DAB1: variants seen among roughly 807,000 people sequenced by gnomAD.
The protein encoded by DAB1 is disabled homolog 1.
In DAB1, 15 loss-of-function variants were observed where a neutral mutation model predicts 64.6. The ratio of observed to expected loss-of-function variants is 0.23; its 90% CI spans 0.16 to 0.36. The LOEUF (loss-of-function observed/expected upper bound fraction) is 0.36, where lower values mean the gene tolerates loss of function less well. Among genes scored for constraint, DAB1 ranks in the 10% least tolerant of loss-of-function variants. The pLI, the probability that DAB1 is intolerant of heterozygous loss-of-function variation, is 1.00. For synonymous variants in DAB1, 235 were observed against 251.9 expected (o/e 0.93, Z 0.64); for missense variants, 596 against 706.7 (o/e 0.84, Z 1.78).
downstream of DAB1, among the ~76,000 whole-genome samples, chr1:57,825,114 T>C (rs761228343): frequency 7.9e-5 from 12 of 152,236 alleles, no homozygotes; most frequent in East Asian, 1.9e-4. Context: ...CCCAGTTTCA[T>C]TGAAGATCTT....
At chr1:58,204,063 T>C (rs1658133551) in intron 4 of DAB1, among the ~76,000 whole-genome samples, 1 of 152,174 alleles carries the variant, frequency 6.6e-6, no homozygotes, top group South Asian at 2.1e-4. Flanking sequence ...ATTACCCCAC[T>C]GCCTGGCCAC....
At chr1:57,423,002 A>G (rs1685044852) in intron 1 of DAB1, among the ~76,000 whole-genome samples, 3 of 151,638 alleles carry the variant, frequency 2.0e-5, no homozygotes, top group Non-Finnish European at 4.4e-5. Flanking sequence ...TTTGAAATTT[A>G]CTTTGTACAC....
intron 2 of DAB1, among the ~76,000 whole-genome samples, chr1:57,286,409 A>G (rs192920720): frequency 1.3e-5 from 2 of 152,334 alleles, no homozygotes; most frequent in East Asian, 3.9e-4. Context: ...AATATAGGAA[A>G]CACACTAATG....
chr1:57,852,695 A>G (rs1653585154), intron 1 of DAB1, among the ~76,000 whole-genome samples: 1 of 152,072 alleles, frequency 6.6e-6, no homozygotes, highest in Non-Finnish European at 1.5e-5. Flanking sequence ...ACATGGCTCT[A>G]TGGGCAATGA....
intron 6 of DAB1, among the ~76,000 whole-genome samples, chr1:57,812,565 G>A (rs1055196183): frequency 3.3e-5 from 5 of 152,138 alleles, no homozygotes; most frequent in South Asian, 2.1e-4. Context: ...AGTGGGCTCC[G>A]CAGCTGCCAG....
chr1:58,066,958 C>G (rs767310544), intron 5 of DAB1, among the ~76,000 whole-genome samples: 1 of 152,316 alleles, frequency 6.6e-6, no homozygotes, highest in East Asian at 1.9e-4. Context: ...GGGCCTGCTC[C>G]GGCCTCGCCA....
chr1:57,424,361 G>A (rs1305993713), upstream of DAB1, among the ~76,000 whole-genome samples: 1 of 151,804 alleles, frequency 6.6e-6, no homozygotes, highest in Non-Finnish European at 1.5e-5. Context: ...GAGCGAGCGG[G>A]GGCGCCGCGG....
At position 57,185,315 on chromosome 1, in the gene DAB1, C is replaced by T. The variant is rs147141304; in HGVS notation, c.68-39886G>A. ...CACCAGGTAACAGAAAGTCTGGAGG[C>T]CTGAAGACCAGTTACAACAAGTTGG... On this transcript the variant is annotated intron_variant, in intron 2 of 14. Transcript: ENST00000371236. Among the ~76,000 whole-genome samples, 20 of 152,222 alleles carry T rather than the reference C, an allele frequency of 1.3e-4. No homozygotes were observed. The East Asian group carries it at 3.7e-3, about 28-fold the overall frequency.
chr1:57,127,665 T>C (rs759249976), intron 4 of DAB1, among the ~76,000 whole-genome samples: 7 of 152,156 alleles, frequency 4.6e-5, no homozygotes, highest in African/African-American at 1.2e-4. Flanking sequence ...TTTGAATAAA[T>C]AGATAAAAAT....
rs560433363 is a variant in DAB1 at position 57,767,558 on chromosome 1, A to G, written n.551+116441T>C. On this transcript the variant is annotated intron_variant and non_coding_transcript_variant, in intron 6 of 20. Transcript: ENST00000485760. Reference sequence around the variant, plus strand: ...GGACAAACCATCAATTGATTCTTCTAGAGTTTACTACAATGTAAACTCCAT... The same window carrying G: ...GGACAAACCATCAATTGATTCTTCTGGAGTTTACTACAATGTAAACTCCAT... Among the ~76,000 whole-genome samples the G allele has an allele frequency of 2.0e-5, 3 of 152,270 alleles. No individual in the cohort carries two copies. In the East Asian group the frequency reaches 5.8e-4, roughly 29 times the overall value.
intron 7 of DAB1, among the ~76,000 whole-genome samples, chr1:57,512,911 G>A (rs1171838438): frequency 6.6e-6 from 1 of 152,174 alleles, no homozygotes; most frequent in Admixed American, 6.5e-5. Flanking sequence ...TGGTGCAAAT[G>A]GAGCCTCTCT....
intron 3 of DAB1, among the ~76,000 whole-genome samples, chr1:58,431,418 C>T (rs566719443): frequency 3.2e-4 from 48 of 151,654 alleles, no homozygotes; most frequent in Admixed American, 4.6e-4. Context: ...ATTAGCCGGG[C>T]GTGGTGGTGG....
intron 7 of DAB1, among the ~76,000 whole-genome samples, chr1:57,543,945 A>G (rs1308608678): frequency 3.3e-5 from 5 of 152,022 alleles, no homozygotes; most frequent in Non-Finnish European, 2.9e-5. Flanking sequence ...CATCTCTACA[A>G]AAAAAATTAA....
chr1:58,123,091 T>C (rs1652846635), intron 5 of DAB1, among the ~76,000 whole-genome samples: 1 of 152,122 alleles, frequency 6.6e-6, no homozygotes, highest in Admixed American at 6.6e-5. Context: ...GTGAATGAGA[T>C]CCAGTCTTTG....
At chr1:57,107,801 C>A (rs1655304586) in intron 4 of DAB1, among the ~76,000 whole-genome samples, 1 of 152,140 alleles carries the variant, frequency 6.6e-6, no homozygotes, top group Admixed American at 6.5e-5. Context: ...GAAGCAGGAG[C>A]AGCCCAGGTT....
chr1:58,232,424 T>A (rs986272104), intron 4 of DAB1, among the ~76,000 whole-genome samples: 1 of 151,438 alleles, frequency 6.6e-6, no homozygotes, highest in East Asian at 1.9e-4. Context: ...GCTCTGAGGT[T>A]ACCTGCCCAC....
upstream of DAB1, among the ~76,000 whole-genome samples, chr1:57,884,567 GAA>G (rs1435564536): frequency 6.6e-6 from 1 of 152,184 alleles, no homozygotes; most frequent in Non-Finnish European, 1.5e-5. Flanking sequence ...ATTGGATAAA[GAA>G]AATGTATATT....
intron 1 of DAB1, among the ~76,000 whole-genome samples, chr1:57,853,443 C>T (rs920108525): frequency 6.6e-6 from 1 of 152,052 alleles, no homozygotes; most frequent in Non-Finnish European, 1.5e-5. Flanking sequence ...CTCAAGAAAA[C>T]CTTCAGTATA....
At chr1:57,184,362 G>C (rs116148408) in intron 2 of DAB1, among the ~76,000 whole-genome samples, 1 of 152,142 alleles carries the variant, frequency 6.6e-6, no homozygotes, top group Non-Finnish European at 1.5e-5. Flanking sequence ...CGCTGCATCC[G>C]TTCTTGCCCT....
Sources: allele counts gnomAD v4.1 joint callset (sites outside exome capture counted in the v4.1 genomes callset), GRCh38; gene constraint gnomAD v4.1.1; transcripts MANE v1.5; gene names NCBI Gene and HGNC (gene_info 2026-07-23, HGNC 2026-07-21).